Variants in YY1AP1 observed in about 807,000 individuals in gnomAD.
YY1AP1 encodes the protein YY1-associated protein 1.
YY1AP1 carries 43 observed loss-of-function variants against 39.9 expected under a neutral mutation model. The ratio of observed to expected loss-of-function variants is 1.08; its 90% confidence interval spans 0.84 to 1.39. The LOEUF (loss-of-function observed/expected upper bound fraction) is 1.39. Ranked by LOEUF, YY1AP1 falls within the 40% of genes most tolerant of loss-of-function variation. The pLI is 0.00. For missense variants in YY1AP1, 813 were observed against 900.7 expected (o/e 0.90, Z 1.25); for synonymous variants, 292 against 331.3 (o/e 0.88, Z 1.29).
In YY1AP1 at chr1:155,679,406, T is replaced by C. The variant is rs1290538262; in HGVS notation, c.125+3A>G. ...CAAATCTCAAGGTCTTCAACTAGCC[T>C]ACCGTAGAGCTTGAGGGGTGTTAAA... On this transcript the variant is annotated splice_donor_region_variant and intron_variant, in intron 4 of 10. Transcript: ENST00000355499. 2 of 1,614,044 alleles carry C rather than the reference T, an allele frequency of 1.2e-6. No individual in the cohort carries two copies. Among genetic ancestry groups the C allele is most frequent in the Non-Finnish European group, 1.7e-6 (2 of 1,180,022 alleles).
rs1647710141 is a variant in YY1AP1 at position 155,659,641 on chromosome 1, C to T, written c.*16G>A. On this transcript the variant is annotated 3_prime_UTR_variant, in exon 11 of 11. Transcript: ENST00000355499. ...GAAGTGAAGGCTCCCAGTCTCCAGA[C>T]TCTTATTCTCCTAGCTCAAAGAAAT... 2.5e-6 allele frequency: 4 copies of T among 1,613,768 alleles called. No homozygotes were observed. In the African/African-American group the frequency reaches 4.0e-5, roughly 16 times the overall value.
chr1:155,664,930 C>T (rs1326260553), intron 9 of YY1AP1, among the ~76,000 whole-genome samples: 3 of 151,852 alleles, frequency 2.0e-5, no homozygotes, highest in Non-Finnish European at 2.9e-5. Context: ...CCACCACACC[C>T]GGCTAATTTT....
chr1:155,660,639 T>G lies in YY1AP1; in HGVS notation c.1271A>C (p.Gln424Pro), dbSNP rs1241825846. The stretch of plus-strand genomic sequence containing the variant: ...TGTTTTCCCAGGGTTGAAGCTGGGC[T>G]GGAGAGAGGGGCTGGGTTGGATAAG... ...PLLIQPSPSL[Q>P]PSFNPGKTPA... The change falls in exon 11 of 11, where the codon CAG becomes CCG. Residue 424 changes from glutamine to proline, a missense_variant. Gln to Pro is a moderately conservative substitution (Grantham distance 76). Around this residue, in one of 3 missense-constraint regions of YY1AP1, gnomAD observed 586 missense variants for 647.4 expected, o/e 0.91. Coordinates refer to ENST00000355499, the MANE Select transcript of YY1AP1 (RefSeq NM_139119.3). 6.8e-6 allele frequency: 11 copies of G among 1,614,064 alleles called. No individual in the cohort carries two copies. Among genetic ancestry groups the G allele is most frequent in the Admixed American group, 1.7e-5 (1 of 59,994 alleles).
In YY1AP1 at chr1:155,684,457, A is replaced by C. The variant is rs117321429; in HGVS notation, c.-21+3614T>G. Among the ~76,000 whole-genome samples the C allele has an allele frequency of 3.5e-4, 54 of 152,256 alleles. 3 individuals are homozygous for C. The East Asian group carries it at 9.8e-3, about 28-fold the overall frequency. ...ACAAATTTACATAGCATTCTTATACAGGGGCCATGTCAATAGAAAGAAAGG... is the reference window on the plus strand; with the variant it reads ...ACAAATTTACATAGCATTCTTATACCGGGGCCATGTCAATAGAAAGAAAGG... On this transcript the variant is annotated intron_variant, in intron 2 of 10. Coordinates refer to ENST00000355499, the MANE Select transcript of YY1AP1 (RefSeq NM_139119.3).
At position 155,660,914 on chromosome 1, in the gene YY1AP1, C is replaced by T; in HGVS notation, c.997-1G>A. On this transcript the variant is annotated splice_acceptor_variant, in intron 10 of 10. Transcript: ENST00000355499. LOFTEE classifies it high-confidence loss of function. ...CTTCCTGGATGGATGGCAGACTGGC[C>T]TATTGGAAATGAGAACACTCTGATC... The T allele has an allele frequency of 6.2e-7, 1 of 1,614,058 alleles. No homozygotes were observed. The highest frequency in any genetic ancestry group is 8.5e-7 in the Non-Finnish European group (1 of 1,180,038).
chr1:155,687,389 C>T (rs1652611445), intron 2 of YY1AP1, among the ~76,000 whole-genome samples: 1 of 144,530 alleles, frequency 6.9e-6, no homozygotes, highest in African/African-American at 2.7e-5. Flanking sequence ...CCCTAAAATA[C>T]ACACACATAT....
chr1:155,668,982 G>A (rs947458177), intron 8 of YY1AP1, among the ~76,000 whole-genome samples: 4 of 152,164 alleles, frequency 2.6e-5, no homozygotes, highest in Non-Finnish European at 5.9e-5. Flanking sequence ...TCCAGTCTCA[G>A]CCTCCCAAAG....
rs1558294477 is a variant in YY1AP1, at chr1:155,659,861, T to A, written c.2049A>T (p.Pro683=). The A allele has an allele frequency of 6.2e-7, 1 of 1,614,238 alleles. No homozygotes were observed. Among genetic ancestry groups the A allele is most frequent in the Non-Finnish European group, 8.5e-7 (1 of 1,180,050 alleles). The part of the protein sequence containing the change: ...PKVEHSPGPP[P]VDKQCQEGLS... ...ATCCTTCTTGGCACTGTTTATCGACTGGTGGAGGCCCTGGGCTATGTTCCA... is the reference window on the plus strand; with the variant it reads ...ATCCTTCTTGGCACTGTTTATCGACAGGTGGAGGCCCTGGGCTATGTTCCA... The change falls in exon 11 of 11, where the codon CCA becomes CCT. Residue 683 remains proline (P), a synonymous_variant. Coordinates refer to ENST00000355499, the MANE Select transcript of YY1AP1 (RefSeq NM_139119.3).
In YY1AP1 at chr1:155,660,322, G is replaced by A. The variant is rs369552439; in HGVS notation, c.1588C>T (p.Pro530Ser). The A allele has an allele frequency of 5.4e-5, 87 of 1,614,024 alleles. No homozygotes were observed. Among genetic ancestry groups the A allele is most frequent in the Non-Finnish European group, 7.2e-5 (85 of 1,180,034 alleles). Residue 530 changes from proline to serine, a missense_variant, in exon 11 of 11, where the codon CCC (proline) becomes TCC (serine). This residue lies in a region of YY1AP1 where 586 missense variants were observed against 647.4 expected (regional missense o/e 0.91). Coordinates refer to ENST00000355499, the MANE Select transcript of YY1AP1 (RefSeq NM_139119.3). ...GCCCTGGCTCCCCTTCTTTTTGAGG[G>A]TCTCCGTCTCACATATGGCTTTCGA... is the stretch of plus-strand genomic sequence containing the variant. ...MFRKPYVRRR[P>S]SKRRGARAFR...
At chr1:155,675,523 A>C (rs1297978103) in intron 5 of YY1AP1, among the ~76,000 whole-genome samples, 1 of 151,916 alleles carries the variant, frequency 6.6e-6, no homozygotes, top group Admixed American at 6.6e-5. Flanking sequence ...ACGGGGTTTC[A>C]CCATGTTGGC....
chr1:155,664,783 T>G (rs1490395579), intron 9 of YY1AP1, among the ~76,000 whole-genome samples: 5 of 151,374 alleles, frequency 3.3e-5, no homozygotes, highest in Non-Finnish European at 5.9e-5. Flanking sequence ...TTTTTTTTTT[T>G]TTTTAATACG....
chr1:155,684,570 CTTT>C (rs539654881), intron 2 of YY1AP1, among the ~76,000 whole-genome samples: 5 of 137,180 alleles, frequency 3.6e-5, no homozygotes, highest in African/African-American at 2.7e-5. Flanking sequence ...ACATTTCTTG[CTTT>C]TTTTTTTTTT....
At chr1:155,687,668 G>A (rs1387338262) in intron 2 of YY1AP1, among the ~76,000 whole-genome samples, 1 of 146,200 alleles carries the variant, frequency 6.8e-6, no homozygotes, top group Non-Finnish European at 1.5e-5. Context: ...CAACGCGGCA[G>A]GGACACCACA....
intron 2 of YY1AP1, among the ~76,000 whole-genome samples, chr1:155,681,816 G>A (rs150419219): frequency 4.7e-4 from 71 of 150,922 alleles, no homozygotes; most frequent in African/African-American, 1.2e-3. Flanking sequence ...AACACGTAAG[G>A]ATAAATTTAA....
At position 155,676,620 on chromosome 1, in the gene YY1AP1, C is replaced by G; in HGVS notation, c.252G>C (p.Gln84His). Residue 84 changes from glutamine (Q) to histidine (H), a missense_variant, in exon 5 of 11, where the codon CAG (glutamine) becomes CAC (histidine). This residue lies in a region of YY1AP1 where 196 missense variants were observed against 189.7 expected (regional missense o/e 1.03). Coordinates refer to ENST00000355499, the MANE Select transcript of YY1AP1 (RefSeq NM_139119.3). The part of the protein sequence containing the change: ...QQKEVEKVKP[Q>H]CKEVHQTLIL... ...TCAGGGTCTGATGAACTTCCTTACA[C>G]TGGGGTTTAACCTTCTCTACCTCCT... is the stretch of plus-strand genomic sequence containing the variant. 1 of 1,614,180 alleles carries G rather than the reference C, an allele frequency of 6.2e-7. No homozygotes were observed. Among genetic ancestry groups the G allele is most frequent in the Non-Finnish European group, 8.5e-7 (1 of 1,180,034 alleles).
At chr1:155,680,571 C>G (rs1651369587) in intron 2 of YY1AP1, 115 bp from the exon 3 acceptor site, 1 of 881,340 alleles carries the variant, frequency 1.1e-6, no homozygotes, top group East Asian at 2.7e-5. Context: ...TTCTTCATAT[C>G]TATCCTTATT....
chr1:155,670,238 T>C (rs1052036688), intron 8 of YY1AP1, 82 bp downstream of exon 8: 30 of 1,581,168 alleles, frequency 1.9e-5, no homozygotes, highest in Non-Finnish European at 2.4e-5. Flanking sequence ...TGTCTTATTA[T>C]ACAAGTCTTA....
At position 155,668,707 on chromosome 1, in the gene YY1AP1, G is replaced by A. The variant is rs1313259209; in HGVS notation, c.799C>T (p.Leu267=). ...FLNPLISKYL[L]TCKTARQLTV... ...AGTTGGCGGGCAGTCTTGCAGGTTA[G>A]AAGGTACTTGCTGATTAGAGGGTTA... Residue 267 remains leucine, a synonymous_variant, in exon 9 of 11, where the codon CTA becomes TTA. Transcript: ENST00000355499. 3 of 1,614,200 alleles carry A rather than the reference G, an allele frequency of 1.9e-6. No individual in the cohort carries two copies. Among genetic ancestry groups the A allele is most frequent in the Admixed American group, 1.7e-5 (1 of 60,020 alleles).
rs926932550 is a variant in YY1AP1 at position 155,660,548 on chromosome 1, T to C, written c.1362A>G (p.Ile454Met). Residue 454 changes from isoleucine to methionine, a missense_variant, in exon 11 of 11, where the codon ATA (isoleucine) becomes ATG (methionine). Transcript: ENST00000355499. Reference sequence around the variant, plus strand: ...CTGTCTGTAAAACAGTGGCTGGCTGTATTGGGTGAGGAATCCGGAGCACCA... The same window carrying C: ...CTGTCTGTAAAACAGTGGCTGGCTGCATTGGGTGAGGAATCCGGAGCACCA... Reference protein sequence around the residue: ...SKMVLRIPHPIQPATVLQTVP... With the variant: ...SKMVLRIPHPMQPATVLQTVP... The C allele has an allele frequency of 6.2e-7, 1 of 1,613,996 alleles. No homozygotes were observed. The highest frequency in any genetic ancestry group is 1.3e-5 in the African/African-American group (1 of 74,884).
Sources: gnomAD v4.1 joint callset for allele counts (sites outside exome capture counted in the v4.1 genomes callset) on GRCh38, gnomAD v4.1.1 for gene constraint, gnomAD v4.1.1 regional missense constraint, MANE v1.5 for transcripts, NCBI Gene and HGNC (gene_info 2026-07-23, HGNC 2026-07-21) for gene names.